Variants in DHRSX observed in about 807,000 individuals in gnomAD.
DHRSX encodes dehydrogenase/reductase X-linked, also known as polyprenol dehydrogenase.
A neutral mutation model predicts 34.0 loss-of-function variants in DHRSX; 31 were observed. That is an observed-to-expected ratio of 0.91 (90% CI 0.69 to 1.23). The LOEUF (loss-of-function observed/expected upper bound fraction) is 1.23. DHRSX is among the 50% of genes most tolerant of loss of function. DHRSX has a pLI of 0.00. For synonymous variants in DHRSX, 201 were observed against 183.8 expected, an observed-to-expected ratio of 1.09 and a Z score of -0.76; for missense variants, 414 against 428.1, an observed-to-expected ratio of 0.97 and a Z score of 0.29.
intron 3 of DHRSX, among the ~76,000 whole-genome samples, chrX:2,346,668 T>G (rs902914888): frequency 2.9e-5 from 4 of 136,182 alleles, no homozygotes; most frequent in Admixed American, 7.1e-5. Context: ...TGTTGTTGTT[T>G]AATACTTTAA....
At position 2,248,359 on chromosome X, in the gene DHRSX, G is replaced by A. The variant is rs747879562; in HGVS notation, c.597-5129C>T. ...GAGGCAGGAGAATGGTGTGAACCCA[G>A]GAGGCGGAGCTTGCAGTGAGTGGAG... On this transcript the variant is annotated intron_variant, in intron 5 of 6. Coordinates refer to ENST00000334651, the MANE Select transcript of DHRSX (RefSeq NM_145177.3). 2.6e-5 allele frequency among the ~76,000 whole-genome samples: 4 copies of A among 151,982 alleles called. No individual in the cohort carries two copies. In the South Asian group the frequency reaches 8.3e-4, roughly 32 times the overall value.
chrX:2,421,708 C>T (rs1325512988), intron 2 of DHRSX, among the ~76,000 whole-genome samples: 1 of 152,158 alleles, frequency 6.6e-6, no homozygotes, highest in Admixed American at 6.5e-5. Context: ...GCAGAAACTG[C>T]CATGGAGATT....
intron 3 of DHRSX, among the ~76,000 whole-genome samples, chrX:2,312,953 T>C (rs914717298): frequency 1.1e-4 from 17 of 152,006 alleles, no homozygotes; most frequent in Non-Finnish European, 2.2e-4. Context: ...AGTCTTTGAA[T>C]CCACCTTGTT....
chrX:2,246,712 G>GAA (rs2016298177), intron 5 of DHRSX, among the ~76,000 whole-genome samples: 1 of 94,464 alleles, frequency 1.1e-5, no homozygotes, highest in Non-Finnish European at 2.6e-5. Flanking sequence ...GAAAGAGAAA[G>GAA]AAAGAAAGAA....
At chrX:2,357,163 G>A (rs2042865356) in intron 3 of DHRSX, among the ~76,000 whole-genome samples, 1 of 152,064 alleles carries the variant, frequency 6.6e-6, no homozygotes, top group African/African-American at 2.4e-5. Context: ...AGAATCGCTT[G>A]AACCCAGGAG....
At chrX:2,300,522 G>GT (rs1237985497) in intron 3 of DHRSX, among the ~76,000 whole-genome samples, 1 of 152,146 alleles carries the variant, frequency 6.6e-6, no homozygotes, top group Non-Finnish European at 1.5e-5. Flanking sequence ...CTTAATCGGG[G>GT]TGGGCACCAT....
At chrX:2,238,398 G>A (rs956167511) in intron 6 of DHRSX, among the ~76,000 whole-genome samples, 3 of 151,972 alleles carry the variant, frequency 2.0e-5, no homozygotes, top group East Asian at 3.9e-4. Flanking sequence ...TTCTGGTACC[G>A]ACTGGTCGCC....
intron 1 of DHRSX, among the ~76,000 whole-genome samples, chrX:2,462,542 A>T (rs1358886224): frequency 6.6e-6 from 1 of 152,118 alleles, no homozygotes; most frequent in Admixed American, 6.6e-5. Flanking sequence ...TCTCAAAAAA[A>T]AAACAATGTT....
chrX:2,236,000 T>C (rs1328088414), intron 6 of DHRSX, among the ~76,000 whole-genome samples: 1 of 151,632 alleles, frequency 6.6e-6, no homozygotes, highest in East Asian at 1.9e-4. Flanking sequence ...TAATCCCAGC[T>C]ACTCGGGAGG....
chrX:2,436,319 A>G (rs2043990265), intron 1 of DHRSX, among the ~76,000 whole-genome samples: 1 of 151,906 alleles, frequency 6.6e-6, no homozygotes, highest in African/African-American at 2.4e-5. Flanking sequence ...TTCATCTAAC[A>G]CTGAGGGCTG....
chrX:2,301,861 C>T (rs1268941791), intron 3 of DHRSX, among the ~76,000 whole-genome samples: 1 of 152,120 alleles, frequency 6.6e-6, no homozygotes, highest in Non-Finnish European at 1.5e-5. Flanking sequence ...TGTTCTTGAA[C>T]TCCGGACCTT....
intron 1 of DHRSX, among the ~76,000 whole-genome samples, chrX:2,430,899 G>A (rs2043910734): frequency 6.6e-6 from 1 of 151,998 alleles, no homozygotes; most frequent in Non-Finnish European, 1.5e-5. Flanking sequence ...GTGGCACACG[G>A]CTGTCATCTC....
At chrX:2,248,643 GA>G (rs2016359693) in intron 5 of DHRSX, among the ~76,000 whole-genome samples, 2 of 100,630 alleles carry the variant, frequency 2.0e-5, no homozygotes, top group Non-Finnish European at 5.4e-5. Context: ...GAAAAGAAAA[GA>G]AAAAGAAAGA....
At chrX:2,274,344 A>T (rs916969666) in intron 4 of DHRSX, among the ~76,000 whole-genome samples, 1 of 148,878 alleles carries the variant, frequency 6.7e-6, no homozygotes, top group African/African-American at 2.5e-5. Context: ...AGCCCTACTA[A>T]TATTATTATT....
At chrX:2,431,077 G>A (rs750697266) in intron 1 of DHRSX, among the ~76,000 whole-genome samples, 1 of 151,862 alleles carries the variant, frequency 6.6e-6, no homozygotes, top group South Asian at 2.1e-4. Context: ...TGTAATCCCA[G>A]CACTTTGGGA....
At chrX:2,333,335 G>T (rs1290897738) in intron 3 of DHRSX, among the ~76,000 whole-genome samples, 1 of 152,122 alleles carries the variant, frequency 6.6e-6, no homozygotes, top group Non-Finnish European at 1.5e-5. Context: ...AGGAGTCCAT[G>T]TGCAGGTTTG....
intron 4 of DHRSX, 152 bp downstream of exon 4, chrX:2,291,350 C>T (rs1397413663): frequency 3.0e-5 from 20 of 666,442 alleles, no homozygotes; most frequent in Non-Finnish European, 3.3e-5. Context: ...CAAAGCTATC[C>T]GTGAAATGAA....
chrX:2,321,507 T>TG (rs202193892), intron 3 of DHRSX, among the ~76,000 whole-genome samples: 21,869 of 151,830 alleles, frequency 0.14, 2,097 homozygotes, highest in Admixed American at 0.22. Context: ...GTCGTGAAGG[T>TG]GGGATCCTTA....
chrX:2,337,055 C>A (rs1287190241), intron 3 of DHRSX, among the ~76,000 whole-genome samples: 3 of 152,044 alleles, frequency 2.0e-5, no homozygotes, highest in Admixed American at 6.6e-5. Flanking sequence ...CCACCCACCT[C>A]GGCCTCCCAA....
Sources: allele counts gnomAD v4.1 joint callset (sites outside exome capture counted in the v4.1 genomes callset), GRCh38; gene constraint gnomAD v4.1.1; transcripts MANE v1.5; gene names NCBI Gene and HGNC (gene_info 2026-07-23, HGNC 2026-07-21).